The following PPP2R2B variants were observed in gnomAD, a reference collection of about 807,000 sequenced individuals.
The protein encoded by PPP2R2B is protein phosphatase 2 regulatory subunit Bbeta.
PPP2R2B carries 5 observed loss-of-function variants against 46.0 expected under a neutral mutation model. The ratio of observed to expected loss-of-function variants is 0.11; its 90% CI spans 0.06 to 0.23. The LOEUF (loss-of-function observed/expected upper bound fraction) is 0.23. Among genes scored for constraint, PPP2R2B ranks in the 10% least tolerant of loss-of-function variants. The probability of loss-of-function intolerance (pLI) is 1.00; values close to 1 mark genes in which losing one functional copy is unlikely to be tolerated. For synonymous variants in PPP2R2B, 215 were observed against 206.7 expected, an observed-to-expected ratio of 1.04 and a Z score of -0.34; for missense variants, 367 against 575.0, an observed-to-expected ratio of 0.64 and a Z score of 3.70.
rs557158591 is a variant in PPP2R2B at position 146,823,462 on chromosome 5, G to C, written c.70+54540C>G. Among the ~76,000 whole-genome samples, 204 of 152,180 alleles carry C rather than the reference G, an allele frequency of 1.3e-3. 1 individual carries two copies. The highest frequency in any genetic ancestry group is 4.6e-3 in the African/African-American group (189 of 41,534). On this transcript the variant is annotated intron_variant, in intron 2 of 9. Transcript: ENST00000394411. Reference sequence around the variant, plus strand: ...TCTGCCCTCCTCGGCCTCTCAAATTGCTGGGATTACAGGCGTGAGCCACTG... The same window carrying C: ...TCTGCCCTCCTCGGCCTCTCAAATTCCTGGGATTACAGGCGTGAGCCACTG...
chr5:146,720,988 C>T (rs980528476), intron 2 of PPP2R2B, among the ~76,000 whole-genome samples: 2 of 152,146 alleles, frequency 1.3e-5, no homozygotes, highest in African/African-American at 4.8e-5. Flanking sequence ...GAGAATCAGA[C>T]CACTCCAAAA....
chr5:146,919,086 G>C (rs373724077), intron 1 of PPP2R2B, among the ~76,000 whole-genome samples: 1 of 152,134 alleles, frequency 6.6e-6, no homozygotes, highest in Admixed American at 6.5e-5. Context: ...GAGGAAACAG[G>C]TTAAGAGGAG....
At chr5:146,973,852 C>T (rs189104369) in intron 1 of PPP2R2B, among the ~76,000 whole-genome samples, 6 of 152,192 alleles carry the variant, frequency 3.9e-5, no homozygotes, top group East Asian at 3.9e-4. Flanking sequence ...ACTGCATTAG[C>T]GAAGGAAACA....
chr5:147,018,814 C>T (rs1214197631), intron 1 of PPP2R2B, among the ~76,000 whole-genome samples: 1 of 152,048 alleles, frequency 6.6e-6, no homozygotes. Flanking sequence ...TGGTGCCAGA[C>T]CCAACACTAG....
intron 1 of PPP2R2B, among the ~76,000 whole-genome samples, chr5:146,894,229 C>A (rs1376714216): frequency 1.3e-5 from 2 of 152,138 alleles, no homozygotes; most frequent in South Asian, 2.1e-4. Flanking sequence ...TGCCAATTGC[C>A]CTGCTTAAAG....
chr5:146,936,879 T>C (rs1166789845), intron 1 of PPP2R2B, among the ~76,000 whole-genome samples: 2 of 152,116 alleles, frequency 1.3e-5, no homozygotes, highest in East Asian at 3.9e-4. Flanking sequence ...TTTTTTTTTT[T>C]TTCTTCAATG....
rs1339334720 is a variant in PPP2R2B, at chr5:146,681,569, T to C, written c.447+9559A>G. On this transcript the variant is annotated intron_variant, in intron 5 of 9. Transcript: ENST00000394411. ...TCAGAAAATAAAAGTATTCTCTCCT[T>C]CAATCATCCAATTATCCTTGATTTT... Among the ~76,000 whole-genome samples the C allele has an allele frequency of 2.6e-5, 4 of 152,198 alleles. No individual in the cohort carries two copies. The East Asian group carries it at 7.7e-4, about 29-fold the overall frequency.
intron 7 of PPP2R2B, among the ~76,000 whole-genome samples, chr5:146,626,140 A>G (rs201464410): frequency 0.046 from 6,997 of 152,240 alleles, 368 homozygotes; most frequent in East Asian, 0.23. Context: ...AAGCCACTAC[A>G]TTTGTGAGAA....
At chr5:147,029,046 A>G (rs559402274) in intron 1 of PPP2R2B, among the ~76,000 whole-genome samples, 1 of 152,200 alleles carries the variant, frequency 6.6e-6, no homozygotes, top group African/African-American at 2.4e-5. Context: ...TCTGATGTTA[A>G]GTCTGTTGGT....
chr5:146,649,379 T>G (rs1201970594), intron 6 of PPP2R2B, among the ~76,000 whole-genome samples: 1 of 152,038 alleles, frequency 6.6e-6, no homozygotes, highest in Admixed American at 6.5e-5. Flanking sequence ...AGGGTCAACA[T>G]AGTGGGGGTG....
chr5:146,840,654 A>T (rs532325476), intron 2 of PPP2R2B, among the ~76,000 whole-genome samples: 2 of 152,366 alleles, frequency 1.3e-5, no homozygotes, highest in East Asian at 1.9e-4. Flanking sequence ...ATACTGCCCC[A>T]TTCAAATAGT....
chr5:146,685,410 A>C (rs1299594877), intron 5 of PPP2R2B, among the ~76,000 whole-genome samples: 3 of 152,258 alleles, frequency 2.0e-5, no homozygotes, highest in Non-Finnish European at 4.4e-5. Flanking sequence ...TCACTAAGAA[A>C]GGCTGAATAT....
chr5:147,014,608 A>T (rs1032404563), intron 1 of PPP2R2B, among the ~76,000 whole-genome samples: 2 of 151,974 alleles, frequency 1.3e-5, no homozygotes, highest in African/African-American at 2.4e-5. Flanking sequence ...AAATTGGAAA[A>T]CATCATTCTC....
chr5:146,795,426 AC>A (rs1031942996), intron 2 of PPP2R2B, among the ~76,000 whole-genome samples: 9 of 152,168 alleles, frequency 5.9e-5, no homozygotes, highest in Admixed American at 5.2e-4. Flanking sequence ...AATGAAATGA[AC>A]CACACACAGA....
intron 2 of PPP2R2B, among the ~76,000 whole-genome samples, chr5:146,741,594 C>T (rs1168090696): frequency 2.0e-5 from 3 of 152,118 alleles, no homozygotes; most frequent in Non-Finnish European, 4.4e-5. Flanking sequence ...CGAAGGGCGA[C>T]CGCCTCTCGG....
chr5:146,621,602 C>G lies in PPP2R2B; in HGVS notation c.790+16649G>C, dbSNP rs1392245824. On this transcript the variant is annotated intron_variant, in intron 7 of 9. Coordinates refer to ENST00000394411, the MANE Select transcript of PPP2R2B (RefSeq NM_181675.4). ...GATCTCACCAACCACAGAGAATTAACCAGAGTGGAGCCATCTCTTTACAGA... is the reference window on the plus strand; with the variant it reads ...GATCTCACCAACCACAGAGAATTAAGCAGAGTGGAGCCATCTCTTTACAGA... Among the ~76,000 whole-genome samples, 4 of 152,272 alleles carry G rather than the reference C, an allele frequency of 2.6e-5. No homozygotes were observed. The South Asian group carries it at 8.3e-4, about 32-fold the overall frequency.
At position 146,898,501 on chromosome 5, in the gene PPP2R2B, G is replaced by C. The variant is rs189650854; in HGVS notation, c.79+157164C>G. On this transcript the variant is annotated intron_variant, in intron 1 of 8. Transcript: ENST00000336640. Reference sequence around the variant, plus strand: ...AGATGGATTAAAGACTTGAACATTAGACCTAAAACCATAAAAACCCTAGAA... The same window carrying C: ...AGATGGATTAAAGACTTGAACATTACACCTAAAACCATAAAAACCCTAGAA... 5.2e-3 allele frequency among the ~76,000 whole-genome samples: 797 copies of C among 151,976 alleles called. 5 individuals are homozygous for C. The highest frequency in any genetic ancestry group is 0.018 in the African/African-American group (755 of 41,400).
chr5:146,753,276 G>T (rs144980673), intron 2 of PPP2R2B, among the ~76,000 whole-genome samples: 1 of 152,202 alleles, frequency 6.6e-6, no homozygotes, highest in Non-Finnish European at 1.5e-5. Flanking sequence ...TGGTACACAA[G>T]AAGTGCAAAA....
chr5:146,811,663 C>G (rs1267534429), intron 2 of PPP2R2B, among the ~76,000 whole-genome samples: 2 of 147,782 alleles, frequency 1.4e-5, no homozygotes, highest in Non-Finnish European at 3.0e-5. Context: ...CGGGTTCAAG[C>G]AGTTCTCCTG....
Sources: gnomAD v4.1 joint callset for allele counts (sites outside exome capture counted in the v4.1 genomes callset) on GRCh38, gnomAD v4.1.1 for gene constraint, MANE v1.5 for transcripts, NCBI Gene and HGNC (gene_info 2026-07-23, HGNC 2026-07-21) for gene names.